The following SH3D19 variants were observed in gnomAD, a reference collection of about 807,000 sequenced individuals.
The protein encoded by SH3D19 is SH3 domain-containing protein 19.
A neutral mutation model predicts 112.1 loss-of-function variants in SH3D19; 58 were observed. The ratio of observed to expected loss-of-function variants is 0.52; its 90% CI spans 0.42 to 0.64. The LOEUF (loss-of-function observed/expected upper bound fraction) is 0.64, where lower values mean the gene tolerates loss of function less well. Among genes scored for constraint, SH3D19 ranks in the 30% least tolerant of loss-of-function variants. The pLI is 0.00. For missense variants in SH3D19, 1,090 were observed against 1,263.4 expected (o/e 0.86, Z 2.08); for synonymous variants, 391 against 448.5 (o/e 0.87, Z 1.62).
intron 1 of SH3D19, 104 bp from the exon 2 acceptor site, chr4:151,226,190 T>C: frequency 8.1e-7 from 1 of 1,229,148 alleles, no homozygotes. Flanking sequence ...CAAAGGACTG[T>C]TCAAAGGTAG....
intron 1 of SH3D19, among the ~76,000 whole-genome samples, chr4:151,265,842 T>C (rs983804174): frequency 1.3e-5 from 2 of 152,000 alleles, no homozygotes; most frequent in East Asian, 3.9e-4. Flanking sequence ...GCCTCAGCCT[T>C]CCAAAGTACT....
chr4:151,165,896 C>G lies in SH3D19; in HGVS notation c.1535-200G>C, dbSNP rs889657201. 3 of 507,188 alleles carry G rather than the reference C, an allele frequency of 5.9e-6. No individual in the cohort carries two copies. The Admixed American group carries it at 1.0e-4, about 17-fold the overall frequency. The allele number at this position is 507,188 out of a possible 1,614,324, so 31.4% of individuals were successfully genotyped here. A position where few individuals can be genotyped will look rare whatever the true frequency, so the allele number is the denominator to read the frequency against. ...CTTAGTGTTCTGTAAATAATTCATG[C>G]GGCTTTTCTTCCTCTCTGATGAGAG... is the stretch of plus-strand genomic sequence containing the variant. On this transcript the variant is annotated intron_variant, in intron 7 of 19. Coordinates refer to ENST00000604030, the MANE Select transcript of SH3D19 (RefSeq NM_001378122.1).
At chr4:151,124,891 GAGGATA>G in intron 19 of SH3D19, among the ~76,000 whole-genome samples, 1 of 152,096 alleles carries the variant, frequency 6.6e-6, no homozygotes, top group East Asian at 1.9e-4. Flanking sequence ...CTGTTTTCTG[GAGGATA>G]CTGTGCATTC....
rs553564689 is a variant in SH3D19, at chr4:151,312,048, C to CA, written c.112+13192dup. On this transcript the variant is annotated intron_variant, in intron 1 of 19. Transcript: ENST00000604030. ...ACTTAAGTATTCTCACTATAAGAAA[C>CA]AAAAAAAAAGGTAGCTATGTGAGGT... Among the ~76,000 whole-genome samples the CA allele has an allele frequency of 4.7e-4, 70 of 149,204 alleles. No individual in the cohort carries two copies. The South Asian group carries it at 5.3e-3, about 11-fold the overall frequency.
intron 1 of SH3D19, among the ~76,000 whole-genome samples, chr4:151,236,139 C>T (rs527770858): frequency 6.6e-6 from 1 of 152,272 alleles, no homozygotes; most frequent in Non-Finnish European, 1.5e-5. Flanking sequence ...GGCGTCCGCT[C>T]TGGCCGCGCT....
intron 2 of SH3D19, among the ~76,000 whole-genome samples, chr4:151,206,327 C>G (rs1389348759): frequency 6.6e-6 from 1 of 151,852 alleles, no homozygotes; most frequent in Non-Finnish European, 1.5e-5. Context: ...GTGTGTGTGT[C>G]TGTGTGTGTT....
intron 8 of SH3D19, among the ~76,000 whole-genome samples, chr4:151,161,834 G>T (rs929023811): frequency 6.8e-6 from 1 of 147,980 alleles, no homozygotes; most frequent in Non-Finnish European, 1.5e-5. Context: ...GCATGATCTC[G>T]GCTCACTGCA....
chr4:151,123,272 A>G (rs994787602), intron 19 of SH3D19, among the ~76,000 whole-genome samples: 20 of 152,206 alleles, frequency 1.3e-4, no homozygotes, highest in African/African-American at 4.8e-4. Flanking sequence ...ATCTAGTGCA[A>G]TTCCTGGGCT....
intron 1 of SH3D19, among the ~76,000 whole-genome samples, chr4:151,296,221 A>T (rs1020201742): frequency 1.3e-5 from 2 of 152,186 alleles, no homozygotes; most frequent in Non-Finnish European, 2.9e-5. Flanking sequence ...TATACAAATA[A>T]TTCCTCATTT....
intron 1 of SH3D19, among the ~76,000 whole-genome samples, chr4:151,286,903 C>G (rs1375962804): frequency 6.6e-6 from 1 of 151,542 alleles, no homozygotes; most frequent in East Asian, 1.9e-4. Context: ...TCACTTGAAT[C>G]TGGGAGGTAG....
chr4:151,236,433 G>A lies in SH3D19; in HGVS notation c.113-10347C>T, dbSNP rs531594389. Among the ~76,000 whole-genome samples the A allele has an allele frequency of 2.3e-3, 354 of 152,402 alleles. 1 individual carries two copies. Among genetic ancestry groups the A allele is most frequent in the Non-Finnish European group, 3.5e-3 (236 of 68,044 alleles). On this transcript the variant is annotated intron_variant, in intron 1 of 19. Coordinates refer to ENST00000604030, the MANE Select transcript of SH3D19 (RefSeq NM_001378122.1). ...AGTCCCACCGCGAGGGCCATTGAGAGGTGAAGCCAGCTGGGCTTCTGGGTC... is the reference window on the plus strand; with the variant it reads ...AGTCCCACCGCGAGGGCCATTGAGAAGTGAAGCCAGCTGGGCTTCTGGGTC...
intron 7 of SH3D19, 28 bp from the exon 8 acceptor site, chr4:151,165,724 T>A: frequency 6.3e-7 from 1 of 1,592,822 alleles, no homozygotes. Context: ...TTATTTTGCA[T>A]GTTTTAGTTA....
intron 2 of SH3D19, among the ~76,000 whole-genome samples, chr4:151,205,573 A>T (rs1048290007): frequency 6.6e-6 from 1 of 152,176 alleles, no homozygotes; most frequent in African/African-American, 2.4e-5. Context: ...ATTGGATTGG[A>T]TGATCTCTAT....
intron 1 of SH3D19, among the ~76,000 whole-genome samples, chr4:151,267,804 G>C (rs1292023258): frequency 1.3e-5 from 2 of 152,124 alleles, no homozygotes. Flanking sequence ...CCTGTAAAGG[G>C]GGACTGGTTT....
intron 1 of SH3D19, among the ~76,000 whole-genome samples, chr4:151,237,013 C>T (rs1335205078): frequency 4.6e-5 from 7 of 152,184 alleles, no homozygotes; most frequent in Middle Eastern, 3.2e-3. Context: ...AGTCCCCTTC[C>T]ATACTGTGGA....
rs2149712521 is a variant in SH3D19 at position 151,121,862 on chromosome 4, G to A, written c.*229C>T. 3 of 370,068 alleles carry A rather than the reference G, an allele frequency of 8.1e-6. No individual in the cohort carries two copies. Among genetic ancestry groups the A allele is most frequent in the East Asian group, 9.5e-5 (2 of 20,982 alleles). 22.9% of individuals were successfully genotyped at this position (370,068 alleles called of 1,614,324 possible). The stretch of plus-strand genomic sequence containing the variant: ...CTTCACCTTGCTAATCCCACTAGAT[G>A]TTTTCCTCGGTAGAATCCTAGCTCA... On this transcript the variant is annotated 3_prime_UTR_variant, in exon 20 of 20. Coordinates refer to ENST00000604030, the MANE Select transcript of SH3D19 (RefSeq NM_001378122.1).
chr4:151,187,659 T>C (rs1762009754), intron 2 of SH3D19, among the ~76,000 whole-genome samples, 196 bp from the exon 3 acceptor site: 1 of 152,158 alleles, frequency 6.6e-6, no homozygotes, highest in Non-Finnish European at 1.5e-5. Flanking sequence ...TTATGGGAAA[T>C]ATATTTGCAG....
intron 1 of SH3D19, among the ~76,000 whole-genome samples, chr4:151,273,926 C>T (rs575334560): frequency 5.3e-5 from 8 of 152,134 alleles, no homozygotes; most frequent in Admixed American, 1.3e-4. Flanking sequence ...TTCAATGAAA[C>T]GAGCTGGAGA....
At chr4:151,171,946 T>A (rs1759138854) in intron 7 of SH3D19, among the ~76,000 whole-genome samples, 1 of 152,146 alleles carries the variant, frequency 6.6e-6, no homozygotes, top group Admixed American at 6.5e-5. Context: ...GTTTTATGAG[T>A]TTTTATTTAA....
Sources: allele counts gnomAD v4.1 joint callset (sites outside exome capture counted in the v4.1 genomes callset), GRCh38; gene constraint gnomAD v4.1.1; transcripts MANE v1.5; gene names NCBI Gene and HGNC (gene_info 2026-07-23, HGNC 2026-07-21).